Variants in TRPM6 observed in about 807,000 individuals in gnomAD.
TRPM6 encodes the protein channel kinase 2.
A neutral mutation model predicts 247.6 loss-of-function variants in TRPM6; 111 were observed. That is an observed-to-expected ratio of 0.45 (90% CI 0.38 to 0.52). The LOEUF is 0.52. Among genes scored for constraint, TRPM6 ranks in the 20% least tolerant of loss-of-function variants. The pLI, the probability that TRPM6 is intolerant of heterozygous loss-of-function variation, is 0.00. For synonymous variants in TRPM6, 892 were observed against 853.8 expected (o/e 1.04, Z -0.78); for missense variants, 2,126 against 2,421.5 (o/e 0.88, Z 2.56).
Position 74,800,359 on chromosome 9 carries a change from G to C in TRPM6, c.2133C>G (p.Ala711=), listed in dbSNP as rs371606295. 3.1e-6 allele frequency: 5 copies of C among 1,613,960 alleles called. No individual in the cohort carries two copies. The highest frequency in any genetic ancestry group is 4.2e-6 in the Non-Finnish European group (5 of 1,180,002). ...CAAAGGGTCGTAATCCTCCCGACAC[G>C]GCCAGTTTAAGGCAGGTCGAATTGC... The part of the protein sequence containing the change: ...NWSNSTCLKL[A]VSGGLRPFVS... The change falls in exon 17 of 39, where the codon GCC becomes GCG. Residue 711 remains alanine (A), a synonymous_variant. Coordinates refer to ENST00000360774, the MANE Select transcript of TRPM6 (RefSeq NM_017662.5).
intron 28 of TRPM6, among the ~76,000 whole-genome samples, chr9:74,753,023 G>C (rs1035482135): frequency 6.8e-6 from 1 of 147,030 alleles, no homozygotes; most frequent in Non-Finnish European, 1.5e-5. Flanking sequence ...TGAGGCAAGA[G>C]AATCGCTTGA....
chr9:74,837,369 A>T (rs903612419), intron 5 of TRPM6, among the ~76,000 whole-genome samples: 8 of 152,186 alleles, frequency 5.3e-5, no homozygotes, highest in Non-Finnish European at 1.0e-4. Flanking sequence ...CTGCTGGTCC[A>T]GGGACTAATC....
At chr9:74,850,538 G>A (rs1011926456) in intron 3 of TRPM6, among the ~76,000 whole-genome samples, 1 of 151,970 alleles carries the variant, frequency 6.6e-6, no homozygotes, top group Non-Finnish European at 1.5e-5. Context: ...TGGCCAACAT[G>A]GTGAAACCCT....
intron 2 of TRPM6, among the ~76,000 whole-genome samples, chr9:74,856,669 A>T (rs768496063): frequency 1.3e-5 from 2 of 152,180 alleles, no homozygotes; most frequent in Non-Finnish European, 2.9e-5. Flanking sequence ...GAAAATGAGA[A>T]GGAAAAAGAT....
intron 5 of TRPM6, among the ~76,000 whole-genome samples, chr9:74,835,358 C>A (rs948989236): frequency 7.3e-5 from 11 of 151,160 alleles, no homozygotes; most frequent in African/African-American, 2.4e-4. Flanking sequence ...GGGTAGACTG[C>A]AAAAATTTTC....
chr9:74,726,760 G>A (rs532039257), intron 38 of TRPM6, among the ~76,000 whole-genome samples: 1 of 152,212 alleles, frequency 6.6e-6, no homozygotes, highest in South Asian at 2.1e-4. Flanking sequence ...GAATGAGCCG[G>A]ACTCCAGCCT....
In TRPM6 at chr9:74,808,157, G is replaced by A; in HGVS notation, c.1515C>T (p.Gly505=). Reference sequence around the variant, plus strand: ...CAATGTCAATCAAGGTTATTCGGTAGCCTGAAAGAAGGGTATGCTGCAACA... The same window carrying A: ...CAATGTCAATCAAGGTTATTCGGTAACCTGAAAGAAGGGTATGCTGCAACA... ...QDVKQHTLLS[G]YRITLIDIGL... The change falls in exon 14 of 39, where the codon GGC becomes GGT. Residue 505 remains glycine, a synonymous_variant. Coordinates refer to ENST00000360774, the MANE Select transcript of TRPM6 (RefSeq NM_017662.5). 6 of 1,613,926 alleles carry A rather than the reference G, an allele frequency of 3.7e-6. No homozygotes were observed. The highest frequency in any genetic ancestry group is 5.1e-6 in the Non-Finnish European group (6 of 1,179,888).
chr9:74,820,311 C>T lies in TRPM6; in HGVS notation c.1127G>A (p.Arg376Lys). 6.2e-7 allele frequency: 1 copy of T among 1,614,114 alleles called. No individual in the cohort carries two copies. Among genetic ancestry groups the T allele is most frequent in the Non-Finnish European group, 8.5e-7 (1 of 1,179,978 alleles). ...FQILMECMVHRDCITIFDADS... is the reference protein window; with the variant it reads ...FQILMECMVHKDCITIFDADS... The stretch of plus-strand genomic sequence containing the variant: ...TCAACTCGTCATACTCACACAATCC[C>T]TGTGAACCATACACTCCATTAGAAT... The change falls in exon 9 of 39, where the codon AGG (arginine) becomes AAG (lysine). Residue 376 changes from arginine to lysine, a missense_variant. By Grantham distance (26) the Arg-to-Lys change is conservative (BLOSUM62 2). Around this residue, in one of 3 missense-constraint regions of TRPM6, gnomAD observed 1,082 missense variants for 1,307.9 expected, o/e 0.83. Transcript: ENST00000360774.
chr9:74,785,163 G>A (rs544041736), intron 21 of TRPM6, among the ~76,000 whole-genome samples: 2 of 152,090 alleles, frequency 1.3e-5, no homozygotes, highest in African/African-American at 4.8e-5. Context: ...GGATATAAAC[G>A]ATGAAGAACC....
chr9:74,818,289 A>ATTTT (rs1740295325), intron 9 of TRPM6, among the ~76,000 whole-genome samples: 1 of 80,346 alleles, frequency 1.2e-5, no homozygotes, highest in African/African-American at 5.9e-5. Context: ...CAGATCTATC[A>ATTTT]TTTCTTTTTT....
At chr9:74,747,559 T>C (rs949750685) in intron 31 of TRPM6, among the ~76,000 whole-genome samples, 1 of 152,168 alleles carries the variant, frequency 6.6e-6, no homozygotes. Context: ...ATCTTATAAA[T>C]GGCTCTTAAT....
intron 1 of TRPM6, among the ~76,000 whole-genome samples, chr9:74,862,888 T>A (rs1016097169): frequency 4.6e-5 from 7 of 151,688 alleles, no homozygotes; most frequent in African/African-American, 1.7e-4. Context: ...GGCTGAGGCA[T>A]GAGAATCACT....
chr9:74,851,276 G>A (rs938849579), intron 3 of TRPM6, among the ~76,000 whole-genome samples: 2 of 151,796 alleles, frequency 1.3e-5, no homozygotes, highest in East Asian at 3.9e-4. Context: ...AATTCCAGGA[G>A]GGGGGTTAAA....
intron 36 of TRPM6, among the ~76,000 whole-genome samples, chr9:74,733,837 C>T (rs112905091): frequency 0.062 from 9,483 of 152,194 alleles, 449 homozygotes; most frequent in Non-Finnish European, 0.094. Flanking sequence ...GGATTACAGG[C>T]GTGAGCCACC....
intron 32 of TRPM6, among the ~76,000 whole-genome samples, chr9:74,743,020 T>C (rs972824202): frequency 1.3e-5 from 2 of 152,236 alleles, no homozygotes; most frequent in African/African-American, 2.4e-5. Context: ...CTGTTCACTT[T>C]GCACAGTTCA....
intron 33 of TRPM6, among the ~76,000 whole-genome samples, chr9:74,741,546 T>C (rs1015993667): frequency 1.2e-4 from 18 of 152,170 alleles, no homozygotes; most frequent in Admixed American, 1.2e-3. Context: ...AGCAGAGCTA[T>C]TGATTTGCAA....
chr9:74,846,976 ACATGGCTC>A (rs1830130285), intron 3 of TRPM6, among the ~76,000 whole-genome samples: 1 of 152,192 alleles, frequency 6.6e-6, no homozygotes, highest in Non-Finnish European at 1.5e-5. Flanking sequence ...TACAAACCAC[ACATGGCTC>A]CATGCACTAA....
At chr9:74,753,176 T>TA (rs1826315279) in intron 28 of TRPM6, among the ~76,000 whole-genome samples, 1 of 151,786 alleles carries the variant, frequency 6.6e-6, no homozygotes. Flanking sequence ...AGCCTTTTAT[T>TA]AAAAAGGATG....
intron 13 of TRPM6, 34 bp from the exon 14 acceptor site, chr9:74,808,208 T>C: frequency 6.2e-7 from 1 of 1,613,482 alleles, no homozygotes. Flanking sequence ...TTTTAACTTT[T>C]AGTTATCTTC....
Sources: gnomAD v4.1 joint callset for allele counts (sites outside exome capture counted in the v4.1 genomes callset) on GRCh38, gnomAD v4.1.1 for gene constraint, gnomAD v4.1.1 regional missense constraint, MANE v1.5 for transcripts, NCBI Gene and HGNC (gene_info 2026-07-23, HGNC 2026-07-21) for gene names.